The following WDPCP variants were observed in gnomAD, a reference collection of about 807,000 sequenced individuals.
The protein encoded by WDPCP is WD repeat-containing and planar cell polarity effector protein fritz homolog.
In WDPCP, 71 loss-of-function variants were observed where a neutral mutation model predicts 93.1. The ratio of observed to expected loss-of-function variants is 0.76; its 90% CI spans 0.63 to 0.93. WDPCP has a LOEUF of 0.93. Ranked by LOEUF, WDPCP falls within the 40% of genes least tolerant of loss-of-function variation. The pLI, the probability that WDPCP is intolerant of heterozygous loss-of-function variation, is 0.00. For missense variants in WDPCP, 844 were observed against 887.4 expected, an observed-to-expected ratio of 0.95 and a Z score of 0.62; for synonymous variants, 315 against 315.0, an observed-to-expected ratio of 1.00 and a Z score of 0.00.
At chr2:63,540,574 A>G (rs911234052) in intron 1 of WDPCP, among the ~76,000 whole-genome samples, 5 of 152,212 alleles carry the variant, frequency 3.3e-5, no homozygotes, top group Non-Finnish European at 7.3e-5. Context: ...CAGAAAATAT[A>G]TGAGACTGTT....
intron 9 of WDPCP, among the ~76,000 whole-genome samples, chr2:63,405,581 G>GTGTGTGTGTGTGTGTGTGTGTGTGTC (rs1415564153): frequency 2.9e-5 from 4 of 136,286 alleles, no homozygotes; most frequent in African/African-American, 1.1e-4. Flanking sequence ...GTGTGTGTGT[G>GTGTGTGTGTGTGTGTGTGTGTGTGTC]TGTGTTGGCG....
intron 1 of WDPCP, among the ~76,000 whole-genome samples, chr2:63,540,325 T>C (rs567519023): frequency 6.0e-4 from 91 of 152,336 alleles, no homozygotes; most frequent in African/African-American, 1.0e-3. Flanking sequence ...TTAAGAGTTA[T>C]GGAATTCAGA....
upstream of WDPCP, among the ~76,000 whole-genome samples, chr2:63,592,119 A>G (rs1465784942): frequency 1.3e-5 from 2 of 152,178 alleles, no homozygotes; most frequent in East Asian, 3.8e-4. Context: ...GTGATTCACC[A>G]ATGGATTCCC....
intron 2 of WDPCP, among the ~76,000 whole-genome samples, chr2:63,691,389 C>T (rs527531768): frequency 5.3e-5 from 8 of 152,296 alleles, no homozygotes; most frequent in Non-Finnish European, 7.4e-5. Context: ...AATCCCAACA[C>T]TTTGGGAGGC....
chr2:63,143,281 C>A (rs1453591849), intron 17 of WDPCP, among the ~76,000 whole-genome samples: 1 of 152,130 alleles, frequency 6.6e-6, no homozygotes, highest in Non-Finnish European at 1.5e-5. Context: ...ATGCCTTTTT[C>A]TGCCCCTTTA....
intron 12 of WDPCP, among the ~76,000 whole-genome samples, chr2:63,342,585 A>G (rs998583393): frequency 6.6e-6 from 1 of 152,188 alleles, no homozygotes; most frequent in Admixed American, 6.5e-5. Context: ...AATTTATAAC[A>G]ATCTAGTTTC....
intron 9 of WDPCP, among the ~76,000 whole-genome samples, chr2:63,430,845 G>A (rs1331400474): frequency 1.3e-5 from 2 of 152,178 alleles, no homozygotes; most frequent in East Asian, 3.8e-4. Context: ...TTGCGCCACT[G>A]GACTCCAGCC....
chr2:63,487,527 A>G, intron 2 of WDPCP, 33 bp from the exon 3 acceptor site: 5 of 1,508,408 alleles, frequency 3.3e-6, no homozygotes, highest in Non-Finnish European at 4.6e-6. Context: ...TTAAATTATG[A>G]TTTAAAAGTC....
At chr2:63,229,189 A>G (rs1678596895) in intron 14 of WDPCP, 2 of 152,112 alleles carry the variant, frequency 1.3e-5, no homozygotes, top group Admixed American at 1.3e-4. Flanking sequence ...GCCAGTGATG[A>G]TGAGCATTTT....
intron 2 of WDPCP, among the ~76,000 whole-genome samples, chr2:63,755,079 C>T (rs1289561492): frequency 6.6e-6 from 1 of 152,162 alleles, no homozygotes; most frequent in African/African-American, 2.4e-5. Flanking sequence ...GGAATGCCCT[C>T]ATGACGTAGT....
chr2:63,526,527 C>A (rs1393416189), intron 1 of WDPCP, among the ~76,000 whole-genome samples: 1 of 152,162 alleles, frequency 6.6e-6, no homozygotes, highest in Non-Finnish European at 1.5e-5. Context: ...CTTGCCATGA[C>A]CTACCTTTCC....
intron 14 of WDPCP, among the ~76,000 whole-genome samples, chr2:63,250,304 T>C (rs185531011): frequency 2.6e-4 from 40 of 152,226 alleles, no homozygotes; most frequent in Non-Finnish European, 4.7e-4. Context: ...CAAAACAAAA[T>C]AGGACAGTGT....
At chr2:63,804,250 CCTT>C (rs1377962993) in intron 2 of WDPCP, among the ~76,000 whole-genome samples, 5 of 150,812 alleles carry the variant, frequency 3.3e-5, no homozygotes, top group Non-Finnish European at 5.9e-5. Context: ...ACCAGATACT[CCTT>C]TTTTTTTTTT....
intron 8 of WDPCP, among the ~76,000 whole-genome samples, chr2:63,434,743 C>T (rs1483947057): frequency 6.6e-6 from 1 of 152,110 alleles, no homozygotes; most frequent in African/African-American, 2.4e-5. Context: ...CTGGACCAGA[C>T]ACTAGCAAAG....
chr2:63,458,101 C>T (rs13407165), intron 6 of WDPCP, among the ~76,000 whole-genome samples: 7 of 142,896 alleles, frequency 4.9e-5, no homozygotes, highest in South Asian at 2.2e-4. Context: ...TCCAGCCTGG[C>T]GACAGTGTGA....
At chr2:63,488,518 T>C (rs1381756925) in intron 2 of WDPCP, among the ~76,000 whole-genome samples, 2 of 152,098 alleles carry the variant, frequency 1.3e-5, no homozygotes, top group African/African-American at 4.8e-5. Context: ...ACTGAATATA[T>C]CTAATAAGGA....
At chr2:63,472,736 T>A (rs1699766956) in intron 6 of WDPCP, among the ~76,000 whole-genome samples, 1 of 152,180 alleles carries the variant, frequency 6.6e-6, no homozygotes, top group South Asian at 2.1e-4. Context: ...ATTTTTGTAT[T>A]TTTAGTAGAG....
At position 63,725,526 on chromosome 2, in the gene WDPCP, C is replaced by T. The variant is rs57180594; in HGVS notation, n.309-74688G>A. On this transcript the variant is annotated intron_variant and non_coding_transcript_variant, in intron 2 of 4. Coordinates refer to the WDPCP transcript ENST00000467687. The stretch of plus-strand genomic sequence containing the variant: ...GAATATATACATGCATGTATCTTTA[C>T]GGTAGAATGATTTATATTCCTTTGG... Among the ~76,000 whole-genome samples the T allele has an allele frequency of 4.1e-3, 631 of 152,086 alleles. 3 individuals carry two copies. The highest frequency in any genetic ancestry group is 0.014 in the African/African-American group (585 of 41,504).
At chr2:63,595,462 G>A in intron 3 of WDPCP, 1 of 1,613,498 alleles carries the variant, frequency 6.2e-7, no homozygotes, top group Non-Finnish European at 8.5e-7. Flanking sequence ...CCCCATGATG[G>A]GTGTCCTGGA....
Sources: allele counts gnomAD v4.1 joint callset (sites outside exome capture counted in the v4.1 genomes callset), GRCh38; gene constraint gnomAD v4.1.1; transcripts MANE v1.5; gene names NCBI Gene and HGNC (gene_info 2026-07-23, HGNC 2026-07-21).